Variants in ASPH observed in about 807,000 individuals in gnomAD.
ASPH encodes aspartyl/asparaginyl beta-hydroxylase.
Under a neutral mutation model 118.4 loss-of-function variants are expected in ASPH, and 100 were observed. The observed-to-expected ratio is 0.84, with a 90% CI of 0.72 to 1.00. The LOEUF is 1.00. ASPH is among the 50% of genes least tolerant of loss of function. The pLI is 0.00. For synonymous variants in ASPH, 315 were observed against 325.6 expected (o/e 0.97, Z 0.35); for missense variants, 920 against 919.5 (o/e 1.00, Z -0.01).
chr8:61,597,503 G>A (rs1842815943), intron 14 of ASPH, among the ~76,000 whole-genome samples: 1 of 152,182 alleles, frequency 6.6e-6, no homozygotes, highest in South Asian at 2.1e-4. Context: ...CTCAAAGCTT[G>A]CAAGAAATAT....
intron 24 of ASPH, among the ~76,000 whole-genome samples, chr8:61,506,558 C>A (rs1339693825): frequency 6.6e-6 from 1 of 152,048 alleles, no homozygotes; most frequent in Non-Finnish European, 1.5e-5. Context: ...AAGAAAGAAG[C>A]AATACAGGAA....
At chr8:61,598,070 C>T (rs1159747894) in intron 14 of ASPH, among the ~76,000 whole-genome samples, 2 of 152,100 alleles carry the variant, frequency 1.3e-5, no homozygotes, top group Non-Finnish European at 2.9e-5. Context: ...AAATATACAA[C>T]AACAACAAAA....
At chr8:61,685,072 G>T (rs1589172389) in intron 1 of ASPH, among the ~76,000 whole-genome samples, 1 of 152,092 alleles carries the variant, frequency 6.6e-6, no homozygotes. Context: ...CATTTGTGTG[G>T]CAGGTAGAGT....
chr8:61,577,417 A>G (rs1300602776), intron 15 of ASPH, among the ~76,000 whole-genome samples: 1 of 149,484 alleles, frequency 6.7e-6, no homozygotes, highest in Non-Finnish European at 1.5e-5. Context: ...AAAAAAAAAA[A>G]AAAAAAGACA....
At chr8:61,572,153 T>G (rs897888616) in intron 16 of ASPH, among the ~76,000 whole-genome samples, 5 of 152,202 alleles carry the variant, frequency 3.3e-5, no homozygotes, top group African/African-American at 1.2e-4. Context: ...AGAACAAAAT[T>G]CACTTGTTTT....
At chr8:61,683,033 A>C (rs1396707862) in intron 2 of ASPH, among the ~76,000 whole-genome samples, 1 of 152,190 alleles carries the variant, frequency 6.6e-6, no homozygotes, top group Non-Finnish European at 1.5e-5. Flanking sequence ...GCAGCCATAA[A>C]ATGAAGTACT....
chr8:61,514,533 C>A (rs1325169216), intron 24 of ASPH, among the ~76,000 whole-genome samples: 1 of 151,952 alleles, frequency 6.6e-6, no homozygotes, highest in African/African-American at 2.4e-5. Flanking sequence ...CACGGTGAAA[C>A]CCCGTCTCTA....
intron 3 of ASPH, chr8:61,676,078 C>T: frequency 6.3e-7 from 1 of 1,599,314 alleles, no homozygotes; most frequent in Non-Finnish European, 8.5e-7. Context: ...ATCAAGGTTA[C>T]TGGTTATGTA....
chr8:61,532,116 G>T (rs1817805651), intron 21 of ASPH, among the ~76,000 whole-genome samples: 1 of 152,044 alleles, frequency 6.6e-6, no homozygotes, highest in African/African-American at 2.4e-5. Flanking sequence ...ACCTCCACAT[G>T]GTTTTCCATT....
Position 61,548,137 on chromosome 8 carries a change from A to G in ASPH, c.1698T>C (p.Asn566=). ...AAGGCTGTGCTTTCAGTCCATTCAC[A>G]TTGTAGAGTGAGCGTTGCCAGACAG... ...FASVWQRSLY[N]VNGLKAQPWW... The change falls in exon 21 of 25, where the codon AAT becomes AAC. Residue 566 remains asparagine (N), a synonymous_variant. Coordinates refer to ENST00000379454, the MANE Select transcript of ASPH (RefSeq NM_004318.4). 1.2e-6 allele frequency: 2 copies of G among 1,613,986 alleles called. No individual in the cohort carries two copies. Among genetic ancestry groups the G allele is most frequent in the Non-Finnish European group, 1.7e-6 (2 of 1,179,918 alleles).
intron 15 of ASPH, among the ~76,000 whole-genome samples, chr8:61,582,491 T>G (rs1231530051): frequency 4.6e-5 from 7 of 152,238 alleles, no homozygotes; most frequent in African/African-American, 1.7e-4. Context: ...ATGGCTTCAC[T>G]TCATAAAGTT....
chr8:61,659,487 A>T (rs1386090848), intron 3 of ASPH: 1 of 152,236 alleles, frequency 6.6e-6, no homozygotes, highest in Non-Finnish European at 1.5e-5. Context: ...TGGAGCAATA[A>T]ATAGATACAC....
intron 1 of ASPH, among the ~76,000 whole-genome samples, chr8:61,713,503 A>C (rs545255711): frequency 6.6e-6 from 1 of 152,202 alleles, no homozygotes; most frequent in African/African-American, 2.4e-5. Flanking sequence ...TGCAGTTTCA[A>C]TATCCCAAAT....
chr8:61,582,474 A>T (rs992865190), intron 15 of ASPH, among the ~76,000 whole-genome samples: 3 of 152,178 alleles, frequency 2.0e-5, no homozygotes, highest in African/African-American at 4.8e-5. Context: ...CTGACCACAA[A>T]CAGTAGATGG....
intron 16 of ASPH, 24 bp downstream of exon 16, chr8:61,576,748 C>A: frequency 6.3e-7 from 1 of 1,588,736 alleles, no homozygotes. Flanking sequence ...AAAAAGTGTC[C>A]TAAGGAGAAG....
chr8:61,653,090 C>T (rs965746861), intron 4 of ASPH, among the ~76,000 whole-genome samples: 1 of 152,148 alleles, frequency 6.6e-6, no homozygotes, highest in Admixed American at 6.5e-5. Context: ...GATTTATGAA[C>T]CCATGTGGAC....
At chr8:61,634,493 A>G (rs1202336649) in intron 12 of ASPH, among the ~76,000 whole-genome samples, 1 of 152,232 alleles carries the variant, frequency 6.6e-6, no homozygotes, top group African/African-American at 2.4e-5. Flanking sequence ...TTCTTGCATT[A>G]ATTTGCTTCT....
At chr8:61,637,842 C>T in intron 12 of ASPH, 105 bp downstream of exon 12, 2 of 1,115,420 alleles carry the variant, frequency 1.8e-6, no homozygotes, top group Non-Finnish European at 2.6e-6. Flanking sequence ...CTCCTAGCTC[C>T]TATGCACTGT....
intron 15 of ASPH, chr8:61,579,784 C>A (rs1208316083): frequency 1.6e-5 from 12 of 760,388 alleles, no homozygotes; most frequent in South Asian, 1.4e-5. Flanking sequence ...AGGCTCAGCC[C>A]TAGCCCTCAG....
Sources: allele counts gnomAD v4.1 joint callset (sites outside exome capture counted in the v4.1 genomes callset), GRCh38; gene constraint gnomAD v4.1.1; transcripts MANE v1.5; gene names NCBI Gene and HGNC (gene_info 2026-07-23, HGNC 2026-07-21).